FAAP20: variants seen among roughly 807,000 people sequenced by gnomAD.
FAAP20 encodes Fanconi anemia core complex-associated protein 20.
In FAAP20, 12 loss-of-function variants were observed where a neutral mutation model predicts 16.2. The observed-to-expected ratio is 0.74, with a 90% CI of 0.48 to 1.20. The LOEUF (loss-of-function observed/expected upper bound fraction) is 1.20, where lower values mean the gene tolerates loss of function less well. Ranked by LOEUF, FAAP20 falls within the 50% of genes most tolerant of loss-of-function variation. The pLI, the probability that FAAP20 is intolerant of heterozygous loss-of-function variation, is 0.00. For missense variants in FAAP20, 288 were observed against 245.8 expected (o/e 1.17, Z -1.15); for synonymous variants, 141 against 110.7 (o/e 1.27, Z -1.72).
At chr1:2,198,771 C>T, upstream of FAAP20, 1 of 1,288,732 alleles carries the variant, frequency 7.8e-7, no homozygotes, top group South Asian at 1.2e-5. Flanking sequence ...CAAGGACAGC[C>T]AAAAGGCCCG....
chr1:2,198,944 C>T (rs750190283), upstream of FAAP20: 17 of 1,289,452 alleles, frequency 1.3e-5, no homozygotes, highest in South Asian at 7.4e-5. Flanking sequence ...TGGGAAACAT[C>T]GCCAGATCTT....
At chr1:2,195,518 C>T (rs992870753), upstream of FAAP20, among the ~76,000 whole-genome samples, 5 of 152,254 alleles carry the variant, frequency 3.3e-5, no homozygotes, top group African/African-American at 7.2e-5. Flanking sequence ...CAGGGGCCCT[C>T]GCCAGACGCC....
upstream of FAAP20, chr1:2,199,461 A>G: frequency 2.0e-6 from 2 of 997,724 alleles, no homozygotes; most frequent in Non-Finnish European, 2.4e-6. The surrounding 1 kb of genome is among the most constrained non-coding windows in gnomAD (Gnocchi z 4.5). Context: ...GGAAATTGTG[A>G]GCTCAGATGC....
chr1:2,186,514 C>G (rs898194637), downstream of FAAP20, among the ~76,000 whole-genome samples: 2 of 149,486 alleles, frequency 1.3e-5, no homozygotes, highest in African/African-American at 4.9e-5. Context: ...CCGGCCAGCT[C>G]AGGCTTCTAG....
chr1:2,190,071 C>CA (rs1557775911), intron 3 of FAAP20: 1 of 581,542 alleles, frequency 1.7e-6, no homozygotes, highest in Non-Finnish European at 3.3e-6. Context: ...GGCGCCTGCT[C>CA]AGCTTGAGAA....
chr1:2,191,340 A>G, intron 3 of FAAP20: 1 of 152,596 alleles, frequency 6.6e-6, no homozygotes, highest in Non-Finnish European at 1.5e-5. Flanking sequence ...GCCCGGCTGC[A>G]GGACAGTGGG....
At chr1:2,190,450 C>A (rs1400503933) in intron 3 of FAAP20, 1 of 444,012 alleles carries the variant, frequency 2.3e-6, no homozygotes, top group South Asian at 1.6e-5. Context: ...CCAGTGGGGC[C>A]GGGAGGGGTG....
At chr1:2,212,219 G>A (rs1456268952) in exon 2 of FAAP20, 3 of 145,640 alleles carry the variant, frequency 2.1e-5, no homozygotes, top group East Asian at 2.0e-4. Flanking sequence ...AGCTTCTGAT[G>A]TAGGGGCTGC....
intron 1 of FAAP20, 178 bp from the exon 2 acceptor site, chr1:2,194,311 G>C (rs1688620973): frequency 3.5e-6 from 1 of 286,834 alleles, no homozygotes; most frequent in African/African-American, 3.1e-5. Context: ...AGACAGTGCG[G>C]AGATGAGGGG....
upstream of FAAP20, chr1:2,200,890 C>T (rs1417921852): frequency 2.7e-6 from 3 of 1,096,622 alleles, no homozygotes; most frequent in Non-Finnish European, 3.4e-6. Context: ...CTGGGACCCC[C>T]TCGGGAGTCC....
At chr1:2,200,482 C>G (rs1689007072), upstream of FAAP20, 1 of 271,340 alleles carries the variant, frequency 3.7e-6, no homozygotes, top group African/African-American at 2.3e-5. Context: ...AGCTGCACGC[C>G]AGGGAATGCC....
At chr1:2,193,548 G>A in intron 3 of FAAP20, 91 bp downstream of exon 3, 1 of 1,532,596 alleles carries the variant, frequency 6.5e-7, no homozygotes, top group Non-Finnish European at 8.7e-7. Context: ...AAAAGCCAGC[G>A]CTGAGCTCGG....
chr1:2,204,533 TG>T (rs1689164891), upstream of FAAP20, among the ~76,000 whole-genome samples: 1 of 152,210 alleles, frequency 6.6e-6, no homozygotes, highest in African/African-American at 2.4e-5. Flanking sequence ...GGCGTCAGCT[TG>T]GACCTCAGAC....
At chr1:2,185,958 G>A (rs1403365219), downstream of FAAP20, 8 of 338,110 alleles carry the variant, frequency 2.4e-5, no homozygotes, top group Admixed American at 1.2e-4. Flanking sequence ...CCAGCGGCGC[G>A]GACCTCCTGC....
chr1:2,197,835 G>A (rs990803720), upstream of FAAP20, among the ~76,000 whole-genome samples: 2 of 152,234 alleles, frequency 1.3e-5, no homozygotes, highest in Non-Finnish European at 2.9e-5. Context: ...GCACTGGGGT[G>A]ACCTCTGCTC....
At chr1:2,200,862 T>C, upstream of FAAP20, 1 of 1,075,340 alleles carries the variant, frequency 9.3e-7, no homozygotes. Context: ...AGGAAACCTC[T>C]GCAGGTGGAG....
upstream of FAAP20, chr1:2,194,859 G>A: frequency 1.1e-6 from 1 of 890,380 alleles, no homozygotes; most frequent in Non-Finnish European, 1.3e-6. Flanking sequence ...GCCCCCCTCC[G>A]AGACAGTCGG....
chr1:2,197,638 C>T (rs994347387), upstream of FAAP20, among the ~76,000 whole-genome samples: 1 of 152,256 alleles, frequency 6.6e-6, no homozygotes, highest in Non-Finnish European at 1.5e-5. Flanking sequence ...AAGGCAGGGC[C>T]TCTGGGCCTG....
intron 3 of FAAP20, chr1:2,191,847 T>G: frequency 2.0e-6 from 2 of 985,394 alleles, no homozygotes; most frequent in Non-Finnish European, 2.4e-6. Context: ...GGTGCCCAGC[T>G]TCCCATCCAC....
Sources: allele counts gnomAD v4.1 joint callset (sites outside exome capture counted in the v4.1 genomes callset), GRCh38; gene constraint gnomAD v4.1.1; non-coding constraint Gnocchi (gnomAD v3.1); transcripts MANE v1.5; gene names NCBI Gene and HGNC (gene_info 2026-07-23, HGNC 2026-07-21).